Variants in ETF1 observed in about 807,000 individuals in gnomAD.
ETF1 encodes eukaryotic translation termination factor 1.
Under a neutral mutation model 55.1 loss-of-function variants are expected in ETF1, and 4 were observed. That is an observed-to-expected ratio of 0.07 (90% CI 0.04 to 0.17). ETF1 has a LOEUF of 0.17. Ranked by LOEUF, ETF1 falls within the 10% of genes least tolerant of loss-of-function variation. The probability of loss-of-function intolerance (pLI) is 1.00; values close to 1 mark genes in which losing one functional copy is unlikely to be tolerated. For missense variants in ETF1, 142 were observed against 523.6 expected, an observed-to-expected ratio of 0.27 and a Z score of 7.11; for synonymous variants, 157 against 182.3, an observed-to-expected ratio of 0.86 and a Z score of 1.12.
intron 2 of ETF1, chr5:138,541,555 T>C: frequency 6.5e-7 from 1 of 1,535,466 alleles, no homozygotes; most frequent in Non-Finnish European, 8.7e-7. Flanking sequence ...AAGCACATCC[T>C]GTTTCATATA....
At chr5:138,511,865 G>C (rs1764798724) in intron 6 of ETF1, 6 of 985,144 alleles carry the variant, frequency 6.1e-6, no homozygotes, top group Non-Finnish European at 6.0e-6. Flanking sequence ...TATTGTGGAG[G>C]AAAGGGGGGA....
chr5:138,531,616 G>A (rs1765703627), intron 2 of ETF1, among the ~76,000 whole-genome samples: 1 of 152,236 alleles, frequency 6.6e-6, no homozygotes, highest in African/African-American at 2.4e-5. Context: ...TAACCGGGAT[G>A]TACAGTACAT....
intron 2 of ETF1, chr5:138,541,844 A>C (rs1324992567): frequency 2.9e-6 from 1 of 346,114 alleles, no homozygotes; most frequent in African/African-American, 2.1e-5. Context: ...AAGAAACAGG[A>C]ATACCCCTGG....
intron 2 of ETF1, among the ~76,000 whole-genome samples, chr5:138,542,416 G>C (rs760029211): frequency 6.6e-6 from 1 of 152,184 alleles, no homozygotes; most frequent in African/African-American, 2.4e-5. Context: ...ATTTTAATGA[G>C]GCCTGGCTGA....
intron 2 of ETF1, among the ~76,000 whole-genome samples, chr5:138,526,374 C>T (rs1156507259): frequency 2.6e-5 from 4 of 152,074 alleles, no homozygotes; most frequent in Non-Finnish European, 5.9e-5. Flanking sequence ...AAATTGGGTC[C>T]TAGAAAGCTT....
intron 2 of ETF1, among the ~76,000 whole-genome samples, chr5:138,538,820 G>A (rs1305033665): frequency 6.6e-6 from 1 of 152,118 alleles, no homozygotes; most frequent in Admixed American, 6.6e-5. Context: ...TATAAATTAA[G>A]CAATCTGTTC....
At chr5:138,527,965 T>C (rs1053253885) in intron 2 of ETF1, among the ~76,000 whole-genome samples, 7 of 152,052 alleles carry the variant, frequency 4.6e-5, no homozygotes, top group Non-Finnish European at 8.8e-5. Context: ...AGAGACGGGG[T>C]TTCTCTATGT....
At chr5:138,512,688 G>A in intron 6 of ETF1, 76 bp downstream of exon 6, 1 of 1,314,290 alleles carries the variant, frequency 7.6e-7, no homozygotes, top group Non-Finnish European at 1.0e-6. Context: ...AGATGTGTCT[G>A]TTCCAGTGCT....
intron 2 of ETF1, among the ~76,000 whole-genome samples, chr5:138,535,082 C>T (rs1332399845): frequency 2.0e-5 from 3 of 151,356 alleles, no homozygotes; most frequent in Admixed American, 6.6e-5. Context: ...TCCCGAGTAG[C>T]TGGGATTACA....
Position 138,508,078 on chromosome 5 carries a change from G to A in ETF1, c.*227C>T, listed in dbSNP as rs769420453. The A allele has an allele frequency of 9.4e-6, 4 of 427,066 alleles. No homozygotes were observed. Among genetic ancestry groups the A allele is most frequent in the African/African-American group, 4.1e-5 (2 of 49,264 alleles). 26.5% of individuals were successfully genotyped at this position (427,066 alleles called of 1,614,324 possible). ...CTTTTTTAAATTAGTCCAAAGTGGC[G>A]TTTAGGAACTTAGTTGTAGGCTGCT... is the stretch of plus-strand genomic sequence containing the variant. On this transcript the variant is annotated 3_prime_UTR_variant, in exon 11 of 11. Coordinates refer to ENST00000360541, the MANE Select transcript of ETF1 (RefSeq NM_004730.4).
At chr5:138,511,877 C>T in intron 6 of ETF1, 5 of 985,044 alleles carry the variant, frequency 5.1e-6, no homozygotes, top group Middle Eastern at 5.2e-4. Flanking sequence ...AAGGGGGGAC[C>T]ACTGGCTCCT....
intron 2 of ETF1, among the ~76,000 whole-genome samples, chr5:138,525,067 C>A (rs1396183599): frequency 6.6e-6 from 1 of 152,040 alleles, no homozygotes; most frequent in Non-Finnish European, 1.5e-5. Flanking sequence ...AAAGCCAAAG[C>A]ATGTTTTCCC....
At chr5:138,510,753 A>C in intron 8 of ETF1, 124 bp from the exon 9 acceptor site, 2 of 1,364,788 alleles carry the variant, frequency 1.5e-6, no homozygotes, top group Non-Finnish European at 2.0e-6. Flanking sequence ...TTTTTTCCAT[A>C]AACATGTTAG....
chr5:138,536,800 C>T (rs1284493750), intron 2 of ETF1, among the ~76,000 whole-genome samples: 1 of 152,106 alleles, frequency 6.6e-6, no homozygotes, highest in East Asian at 1.9e-4. Context: ...CATCCCAGGA[C>T]AGGGGGTGGT....
intron 5 of ETF1, 120 bp from the exon 6 acceptor site, chr5:138,513,074 C>T (rs1581020291): frequency 7.2e-7 from 1 of 1,389,222 alleles, no homozygotes; most frequent in African/African-American, 1.5e-5. Flanking sequence ...ATCACCATTC[C>T]CTTAACTAAA....
At chr5:138,531,755 C>A (rs1765708155) in intron 2 of ETF1, among the ~76,000 whole-genome samples, 1 of 152,098 alleles carries the variant, frequency 6.6e-6, no homozygotes, top group African/African-American at 2.4e-5. Flanking sequence ...CAATTTAAAT[C>A]TCAGCCAGAG....
intron 4 of ETF1, among the ~76,000 whole-genome samples, chr5:138,517,219 A>C (rs1375389029): frequency 1.3e-5 from 2 of 152,056 alleles, no homozygotes; most frequent in East Asian, 3.9e-4. Flanking sequence ...AAATACAAAA[A>C]AATTAGCTGG....
At chr5:138,539,134 T>C (rs967951127) in intron 2 of ETF1, among the ~76,000 whole-genome samples, 1 of 152,188 alleles carries the variant, frequency 6.6e-6, no homozygotes. Context: ...ACATAAGGTT[T>C]CCTAGTGAAG....
At chr5:138,534,743 T>C (rs1215801817) in intron 2 of ETF1, among the ~76,000 whole-genome samples, 1 of 152,212 alleles carries the variant, frequency 6.6e-6, no homozygotes, top group East Asian at 1.9e-4. Context: ...CAAGGTAGTG[T>C]TGTACAAATT....
Sources: allele counts gnomAD v4.1 joint callset (sites outside exome capture counted in the v4.1 genomes callset), GRCh38; gene constraint gnomAD v4.1.1; transcripts MANE v1.5; gene names NCBI Gene and HGNC (gene_info 2026-07-23, HGNC 2026-07-21).